The following CRPPA variants were observed in gnomAD, a reference collection of about 807,000 sequenced individuals.
CRPPA encodes the protein D-ribitol-5-phosphate cytidylyltransferase.
A neutral mutation model predicts 52.0 loss-of-function variants in CRPPA; 43 were observed. The ratio of observed to expected loss-of-function variants is 0.83; its 90% CI spans 0.65 to 1.07. The LOEUF is 1.07. Among genes scored for constraint, CRPPA ranks in the 50% least tolerant of loss-of-function variants. CRPPA has a pLI of 0.00. For synonymous variants in CRPPA, 250 were observed against 203.5 expected, an observed-to-expected ratio of 1.23 and a Z score of -1.94; for missense variants, 629 against 551.7, an observed-to-expected ratio of 1.14 and a Z score of -1.40.
At chr7:16,400,965 C>T (rs1168212406) in intron 2 of CRPPA, among the ~76,000 whole-genome samples, 2 of 152,186 alleles carry the variant, frequency 1.3e-5, no homozygotes, top group African/African-American at 2.4e-5. Flanking sequence ...ACCACCCTCC[C>T]AGCACAGCCC....
rs1487587308 is a variant in CRPPA at position 16,088,409 on chromosome 7, TCTC to T, written c.*3283_*3285del. The stretch of plus-strand genomic sequence containing the variant: ...GTAACTGTAAAGTTACCTCTGGATC[TCTC>T]TTTTTTTTTTTTTTTTTTTTTTTGA... On this transcript the variant is annotated 3_prime_UTR_variant, in exon 10 of 10. Transcript: ENST00000407010. The T allele has an allele frequency of 8.8e-6, 1 of 114,056 alleles. No individual in the cohort carries two copies. The highest frequency in any genetic ancestry group is 1.2e-4 in the Admixed American group (1 of 8,608). The allele number at this position is 114,056 out of a possible 1,614,324, so 7.1% of individuals were successfully genotyped here. A position where few individuals can be genotyped will look rare whatever the true frequency, so the allele number is the denominator to read the frequency against.
chr7:16,371,342 A>C (rs964466212), intron 3 of CRPPA, among the ~76,000 whole-genome samples: 3 of 152,160 alleles, frequency 2.0e-5, no homozygotes, highest in Non-Finnish European at 2.9e-5. Flanking sequence ...CTGCCATTCA[A>C]ACCCCATAGG....
intron 3 of CRPPA, among the ~76,000 whole-genome samples, chr7:16,344,311 A>T (rs752192319): frequency 9.3e-5 from 14 of 150,458 alleles, no homozygotes; most frequent in Non-Finnish European, 1.8e-4. Context: ...CACATCTGTA[A>T]TCCCAGGGCT....
intron 4 of CRPPA, among the ~76,000 whole-genome samples, chr7:16,303,992 T>C (rs1784850114): frequency 6.6e-6 from 1 of 152,214 alleles, no homozygotes; most frequent in East Asian, 1.9e-4. Flanking sequence ...ATCAATCTTG[T>C]ATGGCTTGAA....
At chr7:16,335,154 C>CAAAAAAAAAAAAAAAAAAAAAAAAAA (rs60632334) in intron 3 of CRPPA, among the ~76,000 whole-genome samples, 2 of 93,802 alleles carry the variant, frequency 2.1e-5, no homozygotes, top group Non-Finnish European at 3.9e-5. Flanking sequence ...CCCATCTCTA[C>CAAAAAAAAAAAAAAAAAAAAAAAAAA]AAAAAAAAAA....
At chr7:16,352,777 G>A (rs1225707126) in intron 3 of CRPPA, among the ~76,000 whole-genome samples, 2 of 151,958 alleles carry the variant, frequency 1.3e-5, no homozygotes, top group Non-Finnish European at 2.9e-5. Flanking sequence ...CGATTAATAT[G>A]TCAGAGATGT....
At chr7:16,411,724 A>T (rs1452229657) in intron 1 of CRPPA, among the ~76,000 whole-genome samples, 1 of 152,134 alleles carries the variant, frequency 6.6e-6, no homozygotes, top group Non-Finnish European at 1.5e-5. Flanking sequence ...GAAAGCTACT[A>T]AAAGTATTTC....
intron 1 of CRPPA, among the ~76,000 whole-genome samples, chr7:16,416,582 G>A (rs1321618657): frequency 2.6e-5 from 4 of 152,042 alleles, no homozygotes; most frequent in Non-Finnish European, 4.4e-5. Context: ...CACTTGTAAT[G>A]CCAGCACTCT....
chr7:16,369,301 G>A lies in CRPPA; in HGVS notation c.684+6791C>T, dbSNP rs142499702. 3.0e-3 allele frequency among the ~76,000 whole-genome samples: 460 copies of A among 152,330 alleles called. 4 individuals carry two copies. Among genetic ancestry groups the A allele is most frequent in the Middle Eastern group, 0.024 (7 of 294 alleles). On this transcript the variant is annotated intron_variant, in intron 3 of 9. Transcript: ENST00000407010. ...GTACATGACAGGGGCTGCATGCACT[G>A]GTGGTCAGAGAGAAACAGAACAGGG...
intron 2 of CRPPA, among the ~76,000 whole-genome samples, chr7:16,384,113 G>C (rs146075531): frequency 1.6e-4 from 24 of 152,280 alleles, no homozygotes; most frequent in African/African-American, 4.3e-4. Context: ...CTGTAGACCG[G>C]AGCTGTTCCT....
At chr7:16,106,115 G>C (rs932133899) in intron 9 of CRPPA, among the ~76,000 whole-genome samples, 4 of 151,972 alleles carry the variant, frequency 2.6e-5, no homozygotes, top group African/African-American at 9.7e-5. Flanking sequence ...AAAACTCAGG[G>C]GTTCCACCCA....
chr7:16,254,835 A>AAGAAAGAAAGAC (rs1562588811), intron 8 of CRPPA, among the ~76,000 whole-genome samples: 7 of 148,142 alleles, frequency 4.7e-5, no homozygotes, highest in Admixed American at 2.0e-4. Context: ...GAAAGAAAGA[A>AAGAAAGAAAGAC]AGAAAGAAAG....
At chr7:16,184,592 G>A (rs923413126) in intron 9 of CRPPA, among the ~76,000 whole-genome samples, 1 of 152,122 alleles carries the variant, frequency 6.6e-6, no homozygotes, top group African/African-American at 2.4e-5. Context: ...CTTCTCAATG[G>A]CAGAGACACC....
chr7:16,139,084 G>A (rs1224844090), intron 9 of CRPPA, among the ~76,000 whole-genome samples: 3 of 152,158 alleles, frequency 2.0e-5, no homozygotes, highest in African/African-American at 7.2e-5. Context: ...TTACAGGTAT[G>A]AGCTACCACG....
chr7:16,115,600 C>T (rs1042585678), intron 9 of CRPPA, among the ~76,000 whole-genome samples: 7 of 152,088 alleles, frequency 4.6e-5, no homozygotes, highest in Admixed American at 2.0e-4. Context: ...TTTCTAAATA[C>T]CAATTTTTAA....
intron 8 of CRPPA, among the ~76,000 whole-genome samples, chr7:16,224,583 A>G (rs1466851468): frequency 6.6e-6 from 1 of 152,168 alleles, no homozygotes; most frequent in Non-Finnish European, 1.5e-5. Context: ...AAGAATTGGT[A>G]GATAAACCAG....
intron 9 of CRPPA, among the ~76,000 whole-genome samples, chr7:16,215,764 T>C (rs1034184728): frequency 6.6e-6 from 1 of 152,226 alleles, no homozygotes; most frequent in African/African-American, 2.4e-5. Context: ...AAGTATTATA[T>C]ATTTGAAATT....
chr7:16,163,285 T>C (rs1451571201), intron 9 of CRPPA, among the ~76,000 whole-genome samples: 2 of 152,072 alleles, frequency 1.3e-5, no homozygotes, highest in Non-Finnish European at 2.9e-5. Context: ...GCTTGTCTTT[T>C]TTGATCTTTG....
intron 3 of CRPPA, among the ~76,000 whole-genome samples, chr7:16,310,662 A>G (rs777901641): frequency 6.6e-6 from 1 of 150,702 alleles, no homozygotes. Flanking sequence ...ATTTCAGGAA[A>G]AACAGAAAAA....
Sources: allele counts gnomAD v4.1 joint callset (sites outside exome capture counted in the v4.1 genomes callset), GRCh38; gene constraint gnomAD v4.1.1; transcripts MANE v1.5; gene names NCBI Gene and HGNC (gene_info 2026-07-23, HGNC 2026-07-21).